The following ALOX5 variants were observed in gnomAD, a reference collection of about 807,000 sequenced individuals.
ALOX5 encodes the protein polyunsaturated fatty acid 5-lipoxygenase.
Under a neutral mutation model 87.9 loss-of-function variants are expected in ALOX5, and 64 were observed. That is an observed-to-expected ratio of 0.73 (90% confidence interval 0.60 to 0.90). The LOEUF (loss-of-function observed/expected upper bound fraction) is 0.90, where lower values mean the gene tolerates loss of function less well. Among genes scored for constraint, ALOX5 ranks in the 40% least tolerant of loss-of-function variants. The pLI is 0.00. For synonymous variants in ALOX5, 388 were observed against 355.1 expected, an observed-to-expected ratio of 1.09 and a Z score of -1.04; for missense variants, 822 against 907.5, an observed-to-expected ratio of 0.91 and a Z score of 1.21.
chr10:45,412,366 T>C, intron 4 of ALOX5, 53 bp downstream of exon 4: 1 of 1,606,138 alleles, frequency 6.2e-7, no homozygotes, highest in Non-Finnish European at 8.5e-7. Flanking sequence ...TGGCTGGTGC[T>C]GGGGGTGGAA....
At chr10:45,390,834 T>C (rs60153083) in intron 2 of ALOX5, among the ~76,000 whole-genome samples, 2,422 of 152,010 alleles carry the variant, frequency 0.016, 57 homozygotes, top group African/African-American at 0.055. Flanking sequence ...CAAGAAATAA[T>C]TAAGATCAGA....
At chr10:45,392,145 T>C (rs866499852) in intron 2 of ALOX5, among the ~76,000 whole-genome samples, 2,995 of 149,126 alleles carry the variant, frequency 0.02, 108 homozygotes, top group African/African-American at 0.071. Context: ...TGCCTCTGCC[T>C]GGCCACCCCT....
chr10:45,428,709 C>CAG lies in ALOX5; in HGVS notation c.926_927insAG (p.Ile310AlafsTer93). The stretch of plus-strand genomic sequence containing the variant: ...TGCACACTCCAGTTCCTGGCCGCTC[C>CAG]CATCTGCTTGCTGTATAAGAACCTG... On this transcript the variant is annotated frameshift_variant, in exon 7 of 14. Coordinates refer to ENST00000374391, the MANE Select transcript of ALOX5 (RefSeq NM_000698.5). LOFTEE classifies it high-confidence loss of function. The CAG allele has an allele frequency of 1.2e-6, 2 of 1,614,084 alleles. No individual in the cohort carries two copies. The highest frequency in any genetic ancestry group is 1.7e-6 in the Non-Finnish European group (2 of 1,180,040).
chr10:45,378,839 G>A (rs1839724833), intron 1 of ALOX5, among the ~76,000 whole-genome samples: 1 of 152,162 alleles, frequency 6.6e-6, no homozygotes, highest in African/African-American at 2.4e-5. Context: ...TGGCTGGGCT[G>A]GCCATAGACC....
rs759888211 is a variant in ALOX5, at chr10:45,445,570, C to T, written c.1908C>T (p.Ala636=). Residue 636 remains alanine, a synonymous_variant, in exon 14 of 14, where the codon GCC becomes GCT. Transcript: ENST00000374391. ...FIEKPVKEAM[A]RFRKNLEAIV... is the part of the protein sequence containing the mutation. ...AGAAGCCTGTGAAGGAAGCCATGGC[C>T]CGATTCCGCAAGAACCTCGAGGCCA... 1.2e-6 allele frequency: 2 copies of T among 1,614,138 alleles called. No individual in the cohort carries two copies.
chr10:45,432,109 T>C (rs915078302), intron 7 of ALOX5, among the ~76,000 whole-genome samples: 2 of 148,540 alleles, frequency 1.3e-5, no homozygotes, highest in East Asian at 2.0e-4. Context: ...GAAAAAGAAA[T>C]CTAGCATAGT....
intron 9 of ALOX5, 60 bp downstream of exon 9, chr10:45,441,490 CCTAT>C (rs1316477102): frequency 2.6e-5 from 40 of 1,522,958 alleles, no homozygotes; most frequent in Admixed American, 3.4e-5. Flanking sequence ...GCCTTCACTC[CCTAT>C]CTGAGATCTA....
At chr10:45,381,322 C>T (rs1317407763) in intron 1 of ALOX5, among the ~76,000 whole-genome samples, 1 of 152,250 alleles carries the variant, frequency 6.6e-6, no homozygotes, top group Non-Finnish European at 1.5e-5. Flanking sequence ...CTGCAAATGT[C>T]CCAGGACGAC....
At chr10:45,433,398 G>C (rs1432719286) in intron 7 of ALOX5, among the ~76,000 whole-genome samples, 1 of 152,198 alleles carries the variant, frequency 6.6e-6, no homozygotes. Flanking sequence ...TTGTGTTACC[G>C]AGCTGGACTG....
chr10:45,385,418 C>A (rs896432430), intron 2 of ALOX5, among the ~76,000 whole-genome samples: 1 of 152,192 alleles, frequency 6.6e-6, no homozygotes, highest in Non-Finnish European at 1.5e-5. Context: ...GCCGTCAGTC[C>A]AGGCTTTCTC....
intron 3 of ALOX5, among the ~76,000 whole-genome samples, chr10:45,403,185 A>G (rs569087082): frequency 6.6e-6 from 1 of 152,358 alleles, no homozygotes; most frequent in African/African-American, 2.4e-5. Context: ...TACTCACAAC[A>G]GCATTACTCA....
At chr10:45,397,065 T>C (rs540385741) in intron 3 of ALOX5, among the ~76,000 whole-genome samples, 2 of 152,222 alleles carry the variant, frequency 1.3e-5, no homozygotes, top group Non-Finnish European at 2.9e-5. Context: ...GAAGAAAATG[T>C]CCTCAACCTG....
At chr10:45,384,054 G>T (rs1295487319) in intron 2 of ALOX5, among the ~76,000 whole-genome samples, 1 of 152,188 alleles carries the variant, frequency 6.6e-6, no homozygotes, top group African/African-American at 2.4e-5. Flanking sequence ...CATCACAAAG[G>T]TGTGGGCCCA....
intron 7 of ALOX5, among the ~76,000 whole-genome samples, chr10:45,436,267 T>C (rs1029887804): frequency 1.3e-5 from 2 of 152,202 alleles, no homozygotes; most frequent in African/African-American, 4.8e-5. Context: ...TTAAGTCTCA[T>C]TTGTCAATTT....
chr10:45,441,372 T>C lies in ALOX5; in HGVS notation c.1214T>C (p.Ile405Thr), dbSNP rs1463493000. 3.1e-6 allele frequency: 5 copies of C among 1,613,636 alleles called. No homozygotes were observed. Among genetic ancestry groups the C allele is most frequent in the Non-Finnish European group, 4.2e-6 (5 of 1,179,784 alleles). The change falls in exon 9 of 14, where the codon ATT (isoleucine) becomes ACT (threonine). Residue 405 changes from isoleucine to threonine, a missense_variant. Transcript: ENST00000374391. ...CTGGTGGCACACGTGAGATTCACCA[T>C]TGCAATCAACACCAAGGCCCGTGAG... is the stretch of plus-strand genomic sequence containing the variant. ...KLLVAHVRFT[I>T]AINTKAREQL...
intron 1 of ALOX5, among the ~76,000 whole-genome samples, chr10:45,378,067 C>G (rs930247835): frequency 8.5e-5 from 13 of 152,288 alleles, no homozygotes; most frequent in Middle Eastern, 3.4e-3. Flanking sequence ...GTGAATCCCC[C>G]GGGGACCCTG....
intron 1 of ALOX5, among the ~76,000 whole-genome samples, chr10:45,380,228 G>A (rs938726239): frequency 4.6e-5 from 7 of 152,350 alleles, no homozygotes; most frequent in Non-Finnish European, 8.8e-5. Context: ...TGCAGGAGGG[G>A]CATTGTCGTG....
At position 45,425,359 on chromosome 10, in the gene ALOX5, T is replaced by G. The variant is rs1841668124; in HGVS notation, c.834+227T>G. 6.6e-6 allele frequency among the ~76,000 whole-genome samples: 1 copy of G among 152,226 alleles called. No individual in the cohort carries two copies. The highest frequency in any genetic ancestry group is 2.4e-5 in the African/African-American group (1 of 41,456). ...AATTGCGGGGAATGTTTCTCCATGATGCTCGAGTCTGGGAACATAATGTCA... is the reference window on the plus strand; with the variant it reads ...AATTGCGGGGAATGTTTCTCCATGAGGCTCGAGTCTGGGAACATAATGTCA... On this transcript the variant is annotated intron_variant, in intron 6 of 13. Coordinates refer to ENST00000374391, the MANE Select transcript of ALOX5 (RefSeq NM_000698.5). This position sits in a 1 kb window ranked among gnomAD's most constrained non-coding sequence, Gnocchi z 4.4.
At position 45,425,102 on chromosome 10, in the gene ALOX5, G is replaced by A; in HGVS notation, c.804G>A (p.Glu268=). ...CGGAGATGGTAGAGTGCAGCCTGGA[G>A]CGGCAGCTCAGCTTGGAGCAGGAGG... The part of the protein sequence containing the change: ...VTTEMVECSL[E]RQLSLEQEVQ... The change falls in exon 6 of 14, where the codon GAG becomes GAA. Residue 268 remains glutamate (E), a synonymous_variant. Coordinates refer to ENST00000374391, the MANE Select transcript of ALOX5 (RefSeq NM_000698.5). The surrounding 1 kb of genome is among the most constrained non-coding windows in gnomAD (Gnocchi z 4.4). 6.2e-7 allele frequency: 1 copy of A among 1,613,960 alleles called. No homozygotes were observed. Among genetic ancestry groups the A allele is most frequent in the Non-Finnish European group, 8.5e-7 (1 of 1,180,024 alleles).
Sources: gnomAD v4.1 joint callset for allele counts (sites outside exome capture counted in the v4.1 genomes callset) on GRCh38, gnomAD v4.1.1 for gene constraint, Gnocchi (gnomAD v3.1) non-coding constraint, MANE v1.5 for transcripts, NCBI Gene and HGNC (gene_info 2026-07-23, HGNC 2026-07-21) for gene names.